The following TENT4B variants were observed in gnomAD, a reference collection of about 807,000 sequenced individuals.
TENT4B encodes PAP associated domain containing 5.
TENT4B carries 10 observed loss-of-function variants against 75.0 expected under a neutral mutation model. That is an observed-to-expected ratio of 0.13 (90% CI 0.08 to 0.23). TENT4B has a LOEUF of 0.23. TENT4B is among the 10% of genes least tolerant of loss of function. The pLI is 1.00. For missense variants in TENT4B, 579 were observed against 893.8 expected, an observed-to-expected ratio of 0.65 and a Z score of 4.49; for synonymous variants, 350 against 357.7, an observed-to-expected ratio of 0.98 and a Z score of 0.24.
chr16:50,169,023 CATT>C (rs1264323284), intron 1 of TENT4B, among the ~76,000 whole-genome samples: 1 of 152,098 alleles, frequency 6.6e-6, no homozygotes, highest in African/African-American at 2.4e-5. Flanking sequence ...ATCGTAACAC[CATT>C]ATTAATACCT....
intron 1 of TENT4B, among the ~76,000 whole-genome samples, chr16:50,172,241 G>C (rs915092546): frequency 5.3e-5 from 8 of 151,896 alleles, no homozygotes; most frequent in Admixed American, 3.9e-4. Flanking sequence ...TGTAATCCCA[G>C]CTGCTTGCTA....
intron 1 of TENT4B, among the ~76,000 whole-genome samples, chr16:50,167,761 A>G (rs1055663748): frequency 6.6e-6 from 1 of 151,726 alleles, no homozygotes; most frequent in Admixed American, 6.6e-5. Flanking sequence ...CGGTTCAAGC[A>G]ATTCTCATGC....
intron 5 of TENT4B, among the ~76,000 whole-genome samples, chr16:50,219,904 G>A (rs970255805): frequency 2.0e-5 from 3 of 150,962 alleles, no homozygotes; most frequent in East Asian, 1.9e-4. Flanking sequence ...CTGCAGCCTC[G>A]GCTTCTTGGG....
intron 1 of TENT4B, among the ~76,000 whole-genome samples, chr16:50,195,062 A>G (rs765156934): frequency 2.2e-4 from 34 of 151,874 alleles, no homozygotes; most frequent in Non-Finnish European, 4.0e-4. Context: ...CTAATTTTTA[A>G]ATTTTTTTTT....
intron 1 of TENT4B, among the ~76,000 whole-genome samples, chr16:50,181,035 A>G (rs1437600643): frequency 7.2e-5 from 11 of 152,274 alleles, no homozygotes; most frequent in Admixed American, 6.5e-4. Flanking sequence ...GGCCACAGAC[A>G]TTATTGTAAT....
rs2031545839 is a variant in TENT4B at position 50,216,214 on chromosome 16, C to T, written c.930+19C>T. On this transcript the variant is annotated intron_variant, in intron 4 of 11. Coordinates refer to ENST00000561678, the MANE Select transcript of TENT4B (RefSeq NM_001365324.3). ...AGCAACTGTAAGTTCTGCAGCATTT[C>T]ATATTAAAATCCTTAGTTATTTACC... is the stretch of plus-strand genomic sequence containing the variant. 1 of 1,613,358 alleles carries T rather than the reference C, an allele frequency of 6.2e-7. No individual in the cohort carries two copies. Among genetic ancestry groups the T allele is most frequent in the Non-Finnish European group, 8.5e-7 (1 of 1,179,554 alleles).
At chr16:50,201,961 A>G (rs999498099) in intron 1 of TENT4B, among the ~76,000 whole-genome samples, 2 of 151,870 alleles carry the variant, frequency 1.3e-5, no homozygotes, top group Non-Finnish European at 2.9e-5. Context: ...ATAGTGAGAC[A>G]TCGTCCCTAA....
intron 1 of TENT4B, among the ~76,000 whole-genome samples, chr16:50,196,681 A>G (rs1196600195): frequency 1.3e-5 from 2 of 151,908 alleles, no homozygotes; most frequent in Non-Finnish European, 2.9e-5. Context: ...TAATCCCAGC[A>G]CTTTGGGAGG....
intron 5 of TENT4B, among the ~76,000 whole-genome samples, chr16:50,221,066 C>G (rs972743963): frequency 2.6e-5 from 4 of 152,104 alleles, no homozygotes; most frequent in South Asian, 2.1e-4. Flanking sequence ...ACAGGCAGAT[C>G]ATTTGAGCTT....
intron 10 of TENT4B, among the ~76,000 whole-genome samples, chr16:50,225,533 G>T (rs1451511082): frequency 1.3e-5 from 2 of 152,156 alleles, no homozygotes; most frequent in Admixed American, 6.5e-5. Context: ...CCTTTTACTT[G>T]CTTATGTCAT....
intron 1 of TENT4B, among the ~76,000 whole-genome samples, chr16:50,167,671 T>TGTG (rs78174017): frequency 6.7e-6 from 1 of 150,260 alleles, no homozygotes; most frequent in Admixed American, 6.7e-5. Context: ...GTTTTTTTGT[T>TGTG]GTTGTTGAGA....
At chr16:50,204,253 A>C (rs1318819776) in intron 1 of TENT4B, among the ~76,000 whole-genome samples, 1 of 152,132 alleles carries the variant, frequency 6.6e-6, no homozygotes, top group African/African-American at 2.4e-5. Flanking sequence ...AGAGAAAAAG[A>C]CTTGAACTCA....
intron 1 of TENT4B, among the ~76,000 whole-genome samples, chr16:50,170,833 A>G (rs2038192894): frequency 6.6e-6 from 1 of 151,714 alleles, no homozygotes; most frequent in Admixed American, 6.6e-5. Flanking sequence ...TGCCTGGCTC[A>G]TTTTTGTATT....
intron 1 of TENT4B, among the ~76,000 whole-genome samples, chr16:50,173,908 G>C (rs1258622217): frequency 6.6e-6 from 1 of 152,046 alleles, no homozygotes; most frequent in African/African-American, 2.4e-5. Flanking sequence ...TGGCCAGGCT[G>C]GTCTTGAACT....
Position 50,231,608 on chromosome 16 carries a change from G to T in TENT4B, c.*2280G>T. 1 of 985,776 alleles carries T rather than the reference G, an allele frequency of 1.0e-6. No individual in the cohort carries two copies. The highest frequency in any genetic ancestry group is 1.1e-4 in the East Asian group (1 of 8,816). 61.1% of individuals were successfully genotyped at this position (985,776 alleles called of 1,614,324 possible). A position where few individuals can be genotyped will look rare whatever the true frequency, so the allele number is the denominator to read the frequency against. On this transcript the variant is annotated 3_prime_UTR_variant, in exon 12 of 12. Coordinates refer to ENST00000561678, the MANE Select transcript of TENT4B (RefSeq NM_001365324.3). ...ATTCTGATTCCATTGGGAATCTTAG[G>T]TTTTCGTAAATTTATTGGGAAAATA... is the stretch of plus-strand genomic sequence containing the variant.
intron 1 of TENT4B, among the ~76,000 whole-genome samples, chr16:50,165,922 T>G (rs761160150): frequency 2.0e-5 from 3 of 152,178 alleles, no homozygotes; most frequent in Non-Finnish European, 4.4e-5. Context: ...TTTTCATTTT[T>G]CTTGGGTATA....
rs955358505 is a variant in TENT4B, at chr16:50,230,228, A to G, written c.*900A>G. ...TTCTATAGTGCTGTCGTCTTGGGCA[A>G]TGGGCAATTACATGACTTTGTGTTT... On this transcript the variant is annotated 3_prime_UTR_variant, in exon 12 of 12. Transcript: ENST00000561678. 19 of 982,830 alleles carry G rather than the reference A, an allele frequency of 1.9e-5. No homozygotes were observed. The African/African-American group carries it at 2.6e-4, about 14-fold the overall frequency. 60.9% of individuals were successfully genotyped at this position (982,830 alleles called of 1,614,324 possible).
At chr16:50,157,389 T>C (rs1031652282) in intron 1 of TENT4B, among the ~76,000 whole-genome samples, 6 of 152,224 alleles carry the variant, frequency 3.9e-5, no homozygotes, top group African/African-American at 9.6e-5. Context: ...AGCCCACTTA[T>C]GTTTAACTTT....
chr16:50,214,120 T>A, intron 2 of TENT4B, 101 bp from the exon 3 acceptor site: 1 of 880,996 alleles, frequency 1.1e-6, no homozygotes, highest in East Asian at 2.7e-5. Flanking sequence ...AAAGTACCAG[T>A]AGAGGGTAGC....
Sources: gnomAD v4.1 joint callset for allele counts (sites outside exome capture counted in the v4.1 genomes callset) on GRCh38, gnomAD v4.1.1 for gene constraint, MANE v1.5 for transcripts, NCBI Gene and HGNC (gene_info 2026-07-23, HGNC 2026-07-21) for gene names.